TPRG1: variants seen among roughly 807,000 people sequenced by gnomAD.
The protein encoded by TPRG1 is tumor protein p63 regulated 1.
Under a neutral mutation model 29.3 loss-of-function variants are expected in TPRG1, and 29 were observed. The ratio of observed to expected loss-of-function variants is 0.99; its 90% confidence interval spans 0.74 to 1.35. The LOEUF is 1.35. Ranked by LOEUF, TPRG1 falls within the 40% of genes most tolerant of loss-of-function variation. The pLI is 0.00. For synonymous variants in TPRG1, 130 were observed against 116.8 expected (o/e 1.11, Z -0.73); for missense variants, 327 against 335.0 (o/e 0.98, Z 0.19).
intron 1 of TPRG1, among the ~76,000 whole-genome samples, chr3:189,196,201 A>G (rs945992356): frequency 6.6e-6 from 1 of 152,176 alleles, no homozygotes; most frequent in African/African-American, 2.4e-5. Flanking sequence ...TCTTATTTGT[A>G]AAATGAAGAT....
At chr3:189,223,798 T>G (rs1201647893) in intron 3 of TPRG1, among the ~76,000 whole-genome samples, 1 of 152,240 alleles carries the variant, frequency 6.6e-6, no homozygotes, top group Admixed American at 6.5e-5. Context: ...TACTTAATAA[T>G]GTACAATGCT....
intron 1 of TPRG1, among the ~76,000 whole-genome samples, chr3:189,182,360 A>G (rs1349697970): frequency 6.6e-6 from 1 of 152,244 alleles, no homozygotes; most frequent in Non-Finnish European, 1.5e-5. Flanking sequence ...TTATACATGC[A>G]TACCCCAACT....
At chr3:189,317,421 T>C (rs910752231) in intron 5 of TPRG1, among the ~76,000 whole-genome samples, 3 of 152,218 alleles carry the variant, frequency 2.0e-5, no homozygotes, top group Admixed American at 6.5e-5. Flanking sequence ...TTCCTAATCC[T>C]TTATATAATA....
chr3:189,309,106 T>A, intron 4 of TPRG1, among the ~76,000 whole-genome samples: 1 of 150,148 alleles, frequency 6.7e-6, no homozygotes, highest in Non-Finnish European at 1.5e-5. Flanking sequence ...GGGCAAAGGA[T>A]TAAGTACAAA....
chr3:189,196,785 T>G (rs1732608479), intron 1 of TPRG1, among the ~76,000 whole-genome samples: 1 of 152,226 alleles, frequency 6.6e-6, no homozygotes, highest in African/African-American at 2.4e-5. Flanking sequence ...TCTGAGTGCA[T>G]GTCATAGTTC....
rs1182477306 is a variant in TPRG1, at chr3:189,317,783, A to G, written c.634-2843A>G. Among the ~76,000 whole-genome samples, 3 of 152,230 alleles carry G rather than the reference A, an allele frequency of 2.0e-5. No homozygotes were observed. The East Asian group carries it at 5.8e-4, about 29-fold the overall frequency. On this transcript the variant is annotated intron_variant, in intron 5 of 5. Coordinates refer to ENST00000345063, the MANE Select transcript of TPRG1 (RefSeq NM_198485.4). ...CAAATGTATACTTACAAAGGTATAT[A>G]AAATGTTCTCTGATAAAGACTAATT...
At chr3:189,245,680 G>C (rs1741273348) in intron 4 of TPRG1, among the ~76,000 whole-genome samples, 1 of 151,868 alleles carries the variant, frequency 6.6e-6, no homozygotes, top group African/African-American at 2.4e-5. Context: ...ATATCAATTG[G>C]GATATTGTGT....
At chr3:189,007,707 C>T (rs1220477106) in intron 3 of TPRG1, among the ~76,000 whole-genome samples, 3 of 140,302 alleles carry the variant, frequency 2.1e-5, no homozygotes, top group Admixed American at 7.1e-5. Context: ...CCATGGAATA[C>T]TATGCAGCCA....
Position 189,195,417 on chromosome 3 carries a change from AAC to A in TPRG1, c.-9-11957_-9-11956del, listed in dbSNP as rs1285690487. Among the ~76,000 whole-genome samples, 3 of 152,264 alleles carry A rather than the reference AAC, an allele frequency of 2.0e-5. No individual in the cohort carries two copies. The South Asian group carries it at 6.2e-4, about 32-fold the overall frequency. On this transcript the variant is annotated intron_variant, in intron 1 of 5. Coordinates refer to ENST00000345063, the MANE Select transcript of TPRG1 (RefSeq NM_198485.4). The stretch of plus-strand genomic sequence containing the variant: ...TGCTCGACTCAACAGAGAAAGCTGT[AAC>A]AGCTGATTGTGGCTTGGCTTGAGGA...
intron 1 of TPRG1, among the ~76,000 whole-genome samples, chr3:189,125,844 TG>T: frequency 1.3e-5 from 2 of 150,720 alleles, no homozygotes; most frequent in East Asian, 3.9e-4. Flanking sequence ...TGTGTGTGTG[TG>T]TGTGTGTGTG....
At chr3:189,049,443 T>TGG (rs1162182192) in intron 4 of TPRG1, among the ~76,000 whole-genome samples, 2 of 151,890 alleles carry the variant, frequency 1.3e-5, no homozygotes, top group African/African-American at 4.8e-5. Flanking sequence ...GGTACACAAC[T>TGG]CCAGTGACCT....
Position 189,046,718 on chromosome 3 carries a change from T to G in TPRG1, c.-463+22772T>G, listed in dbSNP as rs114771072. On this transcript the variant is annotated intron_variant, in intron 4 of 10. Coordinates refer to the TPRG1 transcript ENST00000433971. ...TATACGTTTCCTTCTCTAAAAGATTTACTGGATTCTTTTTAAAAAGTTTTA... is the reference window on the plus strand; with the variant it reads ...TATACGTTTCCTTCTCTAAAAGATTGACTGGATTCTTTTTAAAAAGTTTTA... Among the ~76,000 whole-genome samples, 759 of 152,336 alleles carry G rather than the reference T, an allele frequency of 5.0e-3. 7 individuals carry two copies. Among genetic ancestry groups the G allele is most frequent in the African/African-American group, 0.018 (735 of 41,574 alleles).
At chr3:189,032,124 A>G (rs1713965221) in intron 4 of TPRG1, among the ~76,000 whole-genome samples, 1 of 152,240 alleles carries the variant, frequency 6.6e-6, no homozygotes, top group Admixed American at 6.5e-5. Context: ...AAAGATTATA[A>G]GACAAAAAAT....
At position 189,321,134 on chromosome 3, in the gene TPRG1, T is replaced by G; in HGVS notation, c.*314T>G. The G allele has an allele frequency of 5.2e-6, 1 of 192,524 alleles. No individual in the cohort carries two copies. Among genetic ancestry groups the G allele is most frequent in the Non-Finnish European group, 1.0e-5 (1 of 96,064 alleles). The allele number at this position is 192,524 out of a possible 1,614,324, so 11.9% of individuals were successfully genotyped here. A position where few individuals can be genotyped will look rare whatever the true frequency, so the allele number is the denominator to read the frequency against. On this transcript the variant is annotated 3_prime_UTR_variant, in exon 6 of 6. Transcript: ENST00000345063. ...ACTCTAAGTCCTGTTGCTTCAGCTC[T>G]CTAAATGTAGGCTTTTTTTTTTTTT...
intron 4 of TPRG1, among the ~76,000 whole-genome samples, chr3:189,252,531 C>G (rs556691935): frequency 1.3e-5 from 2 of 152,188 alleles, no homozygotes; most frequent in Admixed American, 6.5e-5. Flanking sequence ...TTCCATAATC[C>G]TATTGTGTTT....
At chr3:189,031,282 C>T (rs973746623) in intron 4 of TPRG1, among the ~76,000 whole-genome samples, 1 of 89,386 alleles carries the variant, frequency 1.1e-5, no homozygotes, top group African/African-American at 3.3e-5. Flanking sequence ...CAGAGCGAGA[C>T]TCTGTCTTAA....
chr3:189,161,438 C>T (rs1421307078), intron 5 of TPRG1, among the ~76,000 whole-genome samples: 1 of 150,560 alleles, frequency 6.6e-6, no homozygotes, highest in Non-Finnish European at 1.5e-5. Context: ...TTGCTTATTG[C>T]CTCCTAGCTT....
intron 4 of TPRG1, among the ~76,000 whole-genome samples, chr3:189,068,676 T>TGA (rs1358934899): frequency 2.6e-5 from 4 of 152,152 alleles, no homozygotes; most frequent in South Asian, 2.1e-4. Context: ...CTCAGGAGGT[T>TGA]GAGGCAGGAG....
At chr3:189,306,694 T>TA (rs1451667726) in intron 4 of TPRG1, among the ~76,000 whole-genome samples, 1 of 152,174 alleles carries the variant, frequency 6.6e-6, no homozygotes, top group Non-Finnish European at 1.5e-5. Context: ...TTAAATAAAA[T>TA]AAAAAATATA....
Sources: allele counts gnomAD v4.1 joint callset (sites outside exome capture counted in the v4.1 genomes callset), GRCh38; gene constraint gnomAD v4.1.1; transcripts MANE v1.5; gene names NCBI Gene and HGNC (gene_info 2026-07-23, HGNC 2026-07-21).